Variants in ST6GALNAC3 observed in about 807,000 individuals in gnomAD.
The protein encoded by ST6GALNAC3 is ST6 N-acetylgalactosaminide alpha-2,6-sialyltransferase 3, also known as alpha-N-acetylgalactosaminide alpha-2,6-sialyltransferase 3.
ST6GALNAC3 carries 25 observed loss-of-function variants against 32.7 expected under a neutral mutation model. The ratio of observed to expected loss-of-function variants is 0.76; its 90% CI spans 0.56 to 1.07. ST6GALNAC3 has a LOEUF of 1.07. ST6GALNAC3 is among the 50% of genes least tolerant of loss of function. ST6GALNAC3 has a pLI of 0.00. For synonymous variants in ST6GALNAC3, 129 were observed against 133.1 expected, an observed-to-expected ratio of 0.97 and a Z score of 0.21; for missense variants, 355 against 382.4, an observed-to-expected ratio of 0.93 and a Z score of 0.60.
chr1:76,507,064 A>G (rs1294445613), intron 3 of ST6GALNAC3, among the ~76,000 whole-genome samples: 1 of 152,122 alleles, frequency 6.6e-6, no homozygotes, highest in Admixed American at 6.5e-5. Context: ...ACAAAACTCA[A>G]ATTCTGACTA....
chr1:76,227,226 TG>T (rs1656126884), intron 1 of ST6GALNAC3, among the ~76,000 whole-genome samples: 1 of 152,188 alleles, frequency 6.6e-6, no homozygotes, highest in African/African-American at 2.4e-5. Flanking sequence ...GCTATGGCCC[TG>T]ATCAATCAAA....
intron 1 of ST6GALNAC3, among the ~76,000 whole-genome samples, chr1:76,085,743 G>T (rs528172376): frequency 6.6e-6 from 1 of 152,234 alleles, no homozygotes; most frequent in African/African-American, 2.4e-5. Context: ...TCTGGGAACC[G>T]CACTTTGATT....
intron 3 of ST6GALNAC3, among the ~76,000 whole-genome samples, chr1:76,477,212 T>C (rs1291427350): frequency 8.6e-6 from 1 of 115,666 alleles, no homozygotes; most frequent in Non-Finnish European, 1.7e-5. Flanking sequence ...ATCACATTCT[T>C]ATCTTTTCAT....
intron 3 of ST6GALNAC3, among the ~76,000 whole-genome samples, chr1:76,456,479 G>A (rs898854427): frequency 6.6e-6 from 1 of 151,884 alleles, no homozygotes; most frequent in Non-Finnish European, 1.5e-5. Flanking sequence ...GAGTAGCTAG[G>A]ATAAGAAGCA....
chr1:76,318,400 G>A (rs1172492334), intron 2 of ST6GALNAC3, among the ~76,000 whole-genome samples: 2 of 152,144 alleles, frequency 1.3e-5, no homozygotes, highest in African/African-American at 4.8e-5. Flanking sequence ...TGAGAAGCAG[G>A]GAAGAAAAAT....
At chr1:76,337,136 C>G (rs911413722) in intron 2 of ST6GALNAC3, among the ~76,000 whole-genome samples, 1 of 152,190 alleles carries the variant, frequency 6.6e-6, no homozygotes, top group Non-Finnish European at 1.5e-5. Context: ...CAGACTCTCT[C>G]ATTTCTCCTA....
Position 76,631,209 on chromosome 1 carries a change from C to T in ST6GALNAC3, c.*2403C>T, listed in dbSNP as rs567030845. 1 of 171,904 alleles carries T rather than the reference C, an allele frequency of 5.8e-6. No individual in the cohort carries two copies. The highest frequency in any genetic ancestry group is 1.9e-4 in the East Asian group (1 of 5,208). 10.6% of individuals were successfully genotyped at this position (171,904 alleles called of 1,614,324 possible). A position where few individuals can be genotyped will look rare whatever the true frequency, so the allele number is the denominator to read the frequency against. ...TTTCTTTCCTCTCCTCTCCTCTCGTCTCCTCTTTCTTTCCTTTCTTTTTGC... is the reference window on the plus strand; with the variant it reads ...TTTCTTTCCTCTCCTCTCCTCTCGTTTCCTCTTTCTTTCCTTTCTTTTTGC... On this transcript the variant is annotated 3_prime_UTR_variant, in exon 5 of 5. Transcript: ENST00000328299.
chr1:76,498,571 A>G (rs1660995118), intron 3 of ST6GALNAC3, among the ~76,000 whole-genome samples: 1 of 152,116 alleles, frequency 6.6e-6, no homozygotes, highest in African/African-American at 2.4e-5. Flanking sequence ...GCTATTTTTC[A>G]CCTAATTCGA....
chr1:76,592,956 C>G (rs1486621588), intron 3 of ST6GALNAC3, among the ~76,000 whole-genome samples: 1 of 151,824 alleles, frequency 6.6e-6, no homozygotes, highest in Non-Finnish European at 1.5e-5. Context: ...AAGGGGAATT[C>G]TTTTCCACAT....
chr1:76,312,443 G>T (rs1251459824), intron 1 of ST6GALNAC3, among the ~76,000 whole-genome samples: 1 of 152,046 alleles, frequency 6.6e-6, no homozygotes. Flanking sequence ...TTAAACTAAA[G>T]AGCTTCTGCA....
At chr1:76,569,326 A>C (rs1170133706) in intron 3 of ST6GALNAC3, among the ~76,000 whole-genome samples, 1 of 148,784 alleles carries the variant, frequency 6.7e-6, no homozygotes, top group Non-Finnish European at 1.5e-5. Context: ...TCTGAAATGG[A>C]TTTCAGCTTG....
Position 76,308,226 on chromosome 1 carries a change from C to G in ST6GALNAC3, c.19-5579C>G, listed in dbSNP as rs967435961. On this transcript the variant is annotated intron_variant, in intron 1 of 4. Coordinates refer to ENST00000328299, the MANE Select transcript of ST6GALNAC3 (RefSeq NM_152996.4). ...TGCATTTCATATGGTCTGACCAGTG[C>G]TCAACACTAGCTAATGTTCACTGAG... 3.3e-5 allele frequency among the ~76,000 whole-genome samples: 5 copies of G among 152,108 alleles called. 1 individual carries two copies. Among genetic ancestry groups the G allele is most frequent in the Admixed American group, 2.6e-4 (4 of 15,248 alleles).
intron 3 of ST6GALNAC3, among the ~76,000 whole-genome samples, chr1:76,591,950 T>C (rs1301465477): frequency 1.3e-5 from 2 of 152,200 alleles, no homozygotes; most frequent in East Asian, 1.9e-4. Flanking sequence ...TTCTGTGAGT[T>C]ATTCTGAGTG....
chr1:76,376,546 T>C (rs1449714208), intron 2 of ST6GALNAC3, among the ~76,000 whole-genome samples: 2 of 152,212 alleles, frequency 1.3e-5, no homozygotes, highest in Non-Finnish European at 2.9e-5. Context: ...GTTGTATAAA[T>C]GGAATCATGT....
intron 3 of ST6GALNAC3, among the ~76,000 whole-genome samples, chr1:76,469,645 A>G (rs900000410): frequency 3.3e-5 from 5 of 152,146 alleles, no homozygotes; most frequent in Non-Finnish European, 5.9e-5. Context: ...TGAATGATGT[A>G]TAAAGCCAAC....
At chr1:76,115,874 T>A (rs1648434556) in intron 1 of ST6GALNAC3, among the ~76,000 whole-genome samples, 1 of 152,214 alleles carries the variant, frequency 6.6e-6, no homozygotes, top group Non-Finnish European at 1.5e-5. Flanking sequence ...GATTTGGCCT[T>A]GTTCACTTGT....
intron 2 of ST6GALNAC3, among the ~76,000 whole-genome samples, chr1:76,372,593 T>C (rs985819961): frequency 1.3e-5 from 2 of 152,172 alleles, no homozygotes; most frequent in Admixed American, 1.3e-4. Context: ...TGGGAAAAAC[T>C]GGTCATAACA....
chr1:76,116,797 T>C (rs990676048), intron 1 of ST6GALNAC3, among the ~76,000 whole-genome samples: 4 of 152,146 alleles, frequency 2.6e-5, no homozygotes, highest in African/African-American at 4.8e-5. Context: ...CCGGGCCTGG[T>C]GGCATGTGCC....
chr1:76,129,152 T>C (rs1182404127), intron 1 of ST6GALNAC3, among the ~76,000 whole-genome samples: 1 of 152,178 alleles, frequency 6.6e-6, no homozygotes, highest in Non-Finnish European at 1.5e-5. Flanking sequence ...TTCCTGATGC[T>C]ACCAGGGGGA....
Sources: allele counts gnomAD v4.1 joint callset (sites outside exome capture counted in the v4.1 genomes callset), GRCh38; gene constraint gnomAD v4.1.1; transcripts MANE v1.5; gene names NCBI Gene and HGNC (gene_info 2026-07-23, HGNC 2026-07-21).